Variants in C1orf198 observed in about 807,000 individuals in gnomAD.
C1orf198 encodes the protein uncharacterized protein C1orf198.
C1orf198 carries 17 observed loss-of-function variants against 31.4 expected under a neutral mutation model. That is an observed-to-expected ratio of 0.54 (90% CI 0.37 to 0.81). The LOEUF (loss-of-function observed/expected upper bound fraction) is 0.81. C1orf198 is among the 40% of genes least tolerant of loss of function. The probability of loss-of-function intolerance (pLI) is 0.00; values close to 1 mark genes in which losing one functional copy is unlikely to be tolerated. For missense variants in C1orf198, 401 were observed against 450.3 expected, an observed-to-expected ratio of 0.89 and a Z score of 0.99; for synonymous variants, 175 against 193.8, an observed-to-expected ratio of 0.90 and a Z score of 0.81.
In C1orf198 at chr1:230,839,883, T is replaced by C; in HGVS notation, c.953A>G (p.Lys318Arg). 6.2e-7 allele frequency: 1 copy of C among 1,610,828 alleles called. No homozygotes were observed. The change falls in exon 4 of 4, where the codon AAG (lysine) becomes AGG (arginine). Residue 318 changes from lysine (K) to arginine (R), a missense_variant. Transcript: ENST00000366663. ...ATTGTCCAGAAAATCAAATCCCGTC[T>C]TCAAGACGACATTACTTGAGCTGAC... ...AQVSSSNVVLKTGFDFLDNW is the reference protein window; with the variant it reads ...AQVSSSNVVLRTGFDFLDNW
rs777631694 is a variant in C1orf198, at chr1:230,868,321, C to A, written c.192G>T (p.Ala64=). 5 of 1,596,232 alleles carry A rather than the reference C, an allele frequency of 3.1e-6. No individual in the cohort carries two copies. Among genetic ancestry groups the A allele is most frequent in the Middle Eastern group, 1.7e-4 (1 of 6,008 alleles). Residue 64 remains alanine (A), a synonymous_variant, in exon 1 of 4, where the codon GCG becomes GCT. Coordinates refer to ENST00000366663, the MANE Select transcript of C1orf198 (RefSeq NM_032800.3). ...YGPEWARLPP[A]QQDEIIDRCL... ...ACCGGTCGATGATCTCGTCCTGCTG[C>A]GCGGGCGGCAGCCGCGCCCACTCGG...
Position 230,857,854 on chromosome 1 carries a change from A to G in C1orf198, c.334-2136T>C, listed in dbSNP as rs1245768871. ...TCAAACAGTCAGTTCTGAGAACCAC[A>G]TAGTGTGTGCAACTAATGACCATGT... On this transcript the variant is annotated intron_variant, in intron 1 of 3. Coordinates refer to ENST00000366663, the MANE Select transcript of C1orf198 (RefSeq NM_032800.3). This position sits in a 1 kb window ranked among gnomAD's most constrained non-coding sequence, Gnocchi z 4.2. Among the ~76,000 whole-genome samples, 2 of 152,230 alleles carry G rather than the reference A, an allele frequency of 1.3e-5. No individual in the cohort carries two copies. The highest frequency in any genetic ancestry group is 2.9e-5 in the Non-Finnish European group (2 of 68,032).
At chr1:230,848,335 C>T (rs1432230528) in intron 2 of C1orf198, among the ~76,000 whole-genome samples, 1 of 152,144 alleles carries the variant, frequency 6.6e-6, no homozygotes, top group Non-Finnish European at 1.5e-5. Context: ...CTACAATCTC[C>T]TTTAACAAAA....
At position 230,851,509 on chromosome 1, in the gene C1orf198, C is replaced by G. The variant is rs1271135988; in HGVS notation, c.384+4159G>C. Reference sequence around the variant, plus strand: ...ACTCCCTGCCTCCTCCTGTCTGGAGCCTTCTAAGTGCTGAGTTTTTTCCTC... The same window carrying G: ...ACTCCCTGCCTCCTCCTGTCTGGAGGCTTCTAAGTGCTGAGTTTTTTCCTC... On this transcript the variant is annotated intron_variant, in intron 2 of 3. Transcript: ENST00000366663. 1.4e-4 allele frequency among the ~76,000 whole-genome samples: 22 copies of G among 152,204 alleles called. 1 individual carries two copies. The highest frequency in any genetic ancestry group is 1.3e-3 in the Admixed American group (20 of 15,274).
intron 2 of C1orf198, among the ~76,000 whole-genome samples, chr1:230,849,986 C>T (rs916331218): frequency 6.6e-6 from 1 of 152,158 alleles, no homozygotes; most frequent in Non-Finnish European, 1.5e-5. Context: ...ACATCCACCC[C>T]GTCAGCCTCT....
At chr1:230,860,243 C>T (rs891399188) in intron 1 of C1orf198, among the ~76,000 whole-genome samples, 18 of 152,032 alleles carry the variant, frequency 1.2e-4, no homozygotes, top group Non-Finnish European at 1.8e-4. Flanking sequence ...GCACTGGAAC[C>T]CTTGTGCACT....
intron 2 of C1orf198, among the ~76,000 whole-genome samples, chr1:230,851,447 C>T (rs931410365): frequency 6.6e-6 from 1 of 152,212 alleles, no homozygotes; most frequent in Non-Finnish European, 1.5e-5. Context: ...AATTCTCCAG[C>T]CCAGACCGCC....
At chr1:230,849,274 G>T (rs943323852) in intron 2 of C1orf198, among the ~76,000 whole-genome samples, 20 of 152,338 alleles carry the variant, frequency 1.3e-4, no homozygotes, top group Admixed American at 6.5e-5. Context: ...GAGCAACAGG[G>T]AGCCAGGGCT....
chr1:230,845,216 TA>T (rs11355270), intron 2 of C1orf198, among the ~76,000 whole-genome samples: 53,432 of 116,992 alleles, frequency 0.46, 11,292 homozygotes, highest in Middle Eastern at 0.61. Context: ...TTAAAAAAAT[TA>T]AAAAAAAAAA....
intron 2 of C1orf198, among the ~76,000 whole-genome samples, chr1:230,848,974 G>A (rs983689296): frequency 6.6e-6 from 1 of 152,204 alleles, no homozygotes; most frequent in African/African-American, 2.4e-5. Flanking sequence ...GGGGGGACCT[G>A]TACTGGTATG....
chr1:230,851,679 C>G lies in C1orf198; in HGVS notation c.384+3989G>C, dbSNP rs373209382. On this transcript the variant is annotated intron_variant, in intron 2 of 3. Transcript: ENST00000366663. ...ACCCTTCTGGGACAGGCAGGCCTCC[C>G]TTCTGTGATGGAAGAAGTCTGGGTA... Among the ~76,000 whole-genome samples, 143 of 152,332 alleles carry G rather than the reference C, an allele frequency of 9.4e-4. 1 individual carries two copies. Among genetic ancestry groups the G allele is most frequent in the African/African-American group, 3.3e-3 (138 of 41,580 alleles).
At chr1:230,847,904 G>A (rs1669637846) in intron 2 of C1orf198, among the ~76,000 whole-genome samples, 1 of 152,184 alleles carries the variant, frequency 6.6e-6, no homozygotes, top group Non-Finnish European at 1.5e-5. Flanking sequence ...TCTACCATGG[G>A]TGTCCCTGCT....
chr1:230,864,648 C>T (rs1055041283), intron 1 of C1orf198, among the ~76,000 whole-genome samples: 13 of 152,168 alleles, frequency 8.5e-5, no homozygotes, highest in African/African-American at 3.1e-4. Context: ...TGCCCAGCTC[C>T]ACCGTATGGA....
Position 230,838,280 on chromosome 1 carries a change from A to G in C1orf198, c.*1572T>C, listed in dbSNP as rs1200510363. On this transcript the variant is annotated 3_prime_UTR_variant, in exon 4 of 4. Coordinates refer to ENST00000366663, the MANE Select transcript of C1orf198 (RefSeq NM_032800.3). This position sits in a 1 kb window ranked among gnomAD's most constrained non-coding sequence, Gnocchi z 4.2. Reference sequence around the variant, plus strand: ...GGTACAGAAAGAACCAATATTTGAAAAGTTACAGTAAATCACTGAAGCAGA... The same window carrying G: ...GGTACAGAAAGAACCAATATTTGAAGAGTTACAGTAAATCACTGAAGCAGA... 1.3e-5 allele frequency: 2 copies of G among 152,314 alleles called. No individual in the cohort carries two copies. The highest frequency in any genetic ancestry group is 3.8e-4 in the East Asian group (2 of 5,204). 9.4% of individuals were successfully genotyped at this position (152,314 alleles called of 1,614,324 possible).
intron 1 of C1orf198, among the ~76,000 whole-genome samples, chr1:230,858,792 T>G (rs998121105): frequency 6.6e-6 from 1 of 152,224 alleles, no homozygotes; most frequent in Non-Finnish European, 1.5e-5. Context: ...CTGCAAAGAT[T>G]AAAATAATAA....
upstream of C1orf198, chr1:230,869,009 T>C (rs2102997294): frequency 1.3e-5 from 2 of 152,508 alleles, no homozygotes; most frequent in Admixed American, 1.3e-4. Flanking sequence ...CTTCTGTTTT[T>C]ACTCCTTTCC....
In C1orf198 at chr1:230,843,535, C is replaced by T. The variant is rs200676589; in HGVS notation, c.746G>A (p.Arg249His). 551 of 1,612,164 alleles carry T rather than the reference C, an allele frequency of 3.4e-4. No individual in the cohort carries two copies. The highest frequency in any genetic ancestry group is 4.0e-4 in the Non-Finnish European group (476 of 1,178,790). The change falls in exon 3 of 4, where the codon CGT becomes CAT. Residue 249 changes from arginine (R) to histidine (H), a missense_variant. Physicochemically the swap from Arg to His is conservative, Grantham distance 29. Transcript: ENST00000366663. This position sits in a 1 kb window ranked among gnomAD's most constrained non-coding sequence, Gnocchi z 4.9. ...EAKVERPSTL[R>H]QEQRPLPNVS... ...GTTGGGAAGAGGACGCTGCTCCTGA[C>T]GGAGGGTGCTGGGCCTTTCCACCTT...
Position 230,839,760 on chromosome 1 carries a change from A to C in C1orf198, c.*92T>G. On this transcript the variant is annotated 3_prime_UTR_variant, in exon 4 of 4. Transcript: ENST00000366663. ...AAAAGAGTGTCAAGAAACCAGTAAA[A>C]TACATAGGAAAAGGTGGCCCTTTTT... 3 of 1,092,694 alleles carry C rather than the reference A, an allele frequency of 2.7e-6. No homozygotes were observed. The highest frequency in any genetic ancestry group is 5.2e-5 in the Admixed American group (2 of 38,768). The allele number at this position is 1,092,694 out of a possible 1,614,324, so 67.7% of individuals were successfully genotyped here. A position where few individuals can be genotyped will look rare whatever the true frequency, so the allele number is the denominator to read the frequency against.
chr1:230,858,324 T>C (rs760630849), intron 1 of C1orf198, among the ~76,000 whole-genome samples: 18 of 152,222 alleles, frequency 1.2e-4, no homozygotes, highest in South Asian at 8.3e-4. Context: ...ATGGGAAAAA[T>C]AAAAGAGGCT....
Sources: gnomAD v4.1 joint callset for allele counts (sites outside exome capture counted in the v4.1 genomes callset) on GRCh38, gnomAD v4.1.1 for gene constraint, Gnocchi (gnomAD v3.1) non-coding constraint, MANE v1.5 for transcripts, NCBI Gene and HGNC (gene_info 2026-07-23, HGNC 2026-07-21) for gene names.